Variants in SOS2 observed in about 807,000 individuals in gnomAD.
SOS2 encodes the protein son of sevenless homolog 2.
SOS2 carries 65 observed loss-of-function variants against 148.2 expected under a neutral mutation model. The observed-to-expected ratio is 0.44, with a 90% CI of 0.36 to 0.54. SOS2 has a LOEUF of 0.54. SOS2 is among the 20% of genes least tolerant of loss of function. SOS2 has a pLI of 0.00. For synonymous variants in SOS2, 539 were observed against 537.1 expected (o/e 1.00, Z -0.05); for missense variants, 1,341 against 1,590.2 (o/e 0.84, Z 2.67).
At chr14:50,185,169 CGGAGCACAGTTCACAACCT>C (rs1444026576) in intron 5 of SOS2, among the ~76,000 whole-genome samples, 2 of 152,132 alleles carry the variant, frequency 1.3e-5, no homozygotes, top group African/African-American at 2.4e-5. Context: ...CTGATCAGTT[CGGAGCACAGTTCACAACCT>C]GGGACTTTCA....
chr14:50,182,692 T>A, intron 5 of SOS2, 86 bp from the exon 6 acceptor site: 1 of 1,064,354 alleles, frequency 9.4e-7, no homozygotes, highest in Non-Finnish European at 1.4e-6. Flanking sequence ...TATAGGCTAC[T>A]CGAGGCAGAC....
intron 1 of SOS2, among the ~76,000 whole-genome samples, chr14:50,216,610 T>G (rs984138912): frequency 2.0e-5 from 3 of 151,498 alleles, no homozygotes; most frequent in Non-Finnish European, 2.9e-5. Flanking sequence ...AGTACAAAAA[T>G]TAGCTGGGCA....
At position 50,118,662 on chromosome 14, in the gene SOS2, A is replaced by G. The variant is rs748607274; in HGVS notation, c.3681T>C (p.Phe1227=). 3 of 1,613,856 alleles carry G rather than the reference A, an allele frequency of 1.9e-6. No homozygotes were observed. The East Asian group carries it at 6.7e-5, about 36-fold the overall frequency. The part of the protein sequence containing the change: ...PPVPLRPPEH[F]INCPFNLQPP... ...GCTGAAGATTAAATGGACAGTTTAT[A>G]AAGTGTTCTGGAGGCCGAAGGGGAA... is the stretch of plus-strand genomic sequence containing the variant. The change falls in exon 23 of 23, where the codon TTT becomes TTC. Residue 1227 remains phenylalanine, a synonymous_variant. Coordinates refer to ENST00000216373, the MANE Select transcript of SOS2 (RefSeq NM_006939.4).
intron 2 of SOS2, 102 bp downstream of exon 2, chr14:50,204,182 T>A (rs2139795692): frequency 1.5e-6 from 1 of 658,274 alleles, no homozygotes; most frequent in Non-Finnish European, 2.4e-6. Context: ...CATACATAAT[T>A]TCAGTGGTTT....
chr14:50,208,567 G>A (rs995700566), intron 1 of SOS2, among the ~76,000 whole-genome samples: 6 of 152,002 alleles, frequency 3.9e-5, no homozygotes, highest in Non-Finnish European at 7.4e-5. Context: ...AGAATCGCTT[G>A]AACTGGGAAG....
chr14:50,166,379 C>T (rs761687204), intron 8 of SOS2, among the ~76,000 whole-genome samples: 1 of 152,044 alleles, frequency 6.6e-6, no homozygotes, highest in Non-Finnish European at 1.5e-5. Context: ...ACAGGCATTG[C>T]CACCACATCC....
At chr14:50,132,273 T>C (rs186624691) in intron 19 of SOS2, among the ~76,000 whole-genome samples, 1 of 149,558 alleles carries the variant, frequency 6.7e-6, no homozygotes, top group Non-Finnish European at 1.5e-5. Flanking sequence ...TCCTAGCACC[T>C]TGGGAGGCTG....
intron 19 of SOS2, among the ~76,000 whole-genome samples, chr14:50,132,256 C>T (rs1269830039): frequency 6.6e-6 from 1 of 151,104 alleles, no homozygotes; most frequent in East Asian, 1.9e-4. Context: ...GTGGCTCATG[C>T]CTGTAATCCT....
intron 5 of SOS2, among the ~76,000 whole-genome samples, chr14:50,184,182 T>C (rs530067309): frequency 6.6e-6 from 1 of 152,320 alleles, no homozygotes; most frequent in Non-Finnish European, 1.5e-5. Flanking sequence ...CAGATAGCCA[T>C]ATATCTAGGA....
At chr14:50,185,160 T>C (rs1885866729) in intron 5 of SOS2, among the ~76,000 whole-genome samples, 1 of 152,236 alleles carries the variant, frequency 6.6e-6, no homozygotes, top group Non-Finnish European at 1.5e-5. Context: ...AATTTATAAC[T>C]GATCAGTTCG....
chr14:50,189,949 A>G (rs1196836285), intron 4 of SOS2, among the ~76,000 whole-genome samples: 1 of 151,984 alleles, frequency 6.6e-6, no homozygotes, highest in East Asian at 1.9e-4. Context: ...CCCAAGTTCA[A>G]GTGATTCTCC....
At chr14:50,174,968 T>C (rs747484328) in intron 7 of SOS2, among the ~76,000 whole-genome samples, 1 of 152,266 alleles carries the variant, frequency 6.6e-6, no homozygotes, top group Non-Finnish European at 1.5e-5. Context: ...TAAACAATAA[T>C]TGAATAACTT....
Position 50,150,123 on chromosome 14 carries a change from G to C in SOS2, c.2269C>G (p.Pro757Ala), listed in dbSNP as rs775139330. The part of the protein sequence containing the change: ...SHNITFESPP[P>A]PIEWHISKPG... ...TTGCTGATATGCCATTCAATTGGTG[G>C]AGGTGGACTTTCAAAGGTAATATTA... Residue 757 changes from proline (P) to alanine (A), a missense_variant, in exon 14 of 23, where the codon CCA becomes GCA. Physicochemically the swap from Pro to Ala is conservative, Grantham distance 27. Transcript: ENST00000216373. 1.2e-6 allele frequency: 2 copies of C among 1,612,990 alleles called. No individual in the cohort carries two copies. The highest frequency in any genetic ancestry group is 1.1e-5 in the South Asian group (1 of 91,054).
intron 7 of SOS2, among the ~76,000 whole-genome samples, chr14:50,175,690 G>A (rs987973349): frequency 6.6e-6 from 1 of 151,646 alleles, no homozygotes; most frequent in Non-Finnish European, 1.5e-5. Flanking sequence ...TAGAATAAAT[G>A]GTTTTCTAAA....
At chr14:50,148,300 C>T (rs1241979476) in intron 14 of SOS2, among the ~76,000 whole-genome samples, 1 of 151,452 alleles carries the variant, frequency 6.6e-6, no homozygotes, top group African/African-American at 2.4e-5. Flanking sequence ...ATCCCAGCTA[C>T]TCGGGAGGTT....
chr14:50,123,848 C>T (rs1883602258), intron 21 of SOS2, among the ~76,000 whole-genome samples: 1 of 152,086 alleles, frequency 6.6e-6, no homozygotes, highest in Non-Finnish European at 1.5e-5. Context: ...AGGGTGGCAG[C>T]AGTGGAGATG....
intron 8 of SOS2, among the ~76,000 whole-genome samples, chr14:50,166,659 T>C (rs1885178191): frequency 6.6e-6 from 1 of 152,194 alleles, no homozygotes; most frequent in Non-Finnish European, 1.5e-5. Context: ...TTTTCTTAAC[T>C]CTGTATGAGA....
At chr14:50,202,103 C>T (rs1886510751) in intron 2 of SOS2, among the ~76,000 whole-genome samples, 1 of 152,192 alleles carries the variant, frequency 6.6e-6, no homozygotes, top group Non-Finnish European at 1.5e-5. Flanking sequence ...GCTGGGACTA[C>T]AAGCACATAC....
At chr14:50,215,306 A>T in intron 1 of SOS2, 1 of 1,043,370 alleles carries the variant, frequency 9.6e-7, no homozygotes, top group Non-Finnish European at 1.3e-6. Flanking sequence ...AAAGTTTCTT[A>T]TGCCAAACTT....
Sources: gnomAD v4.1 joint callset for allele counts (sites outside exome capture counted in the v4.1 genomes callset) on GRCh38, gnomAD v4.1.1 for gene constraint, MANE v1.5 for transcripts, NCBI Gene and HGNC (gene_info 2026-07-23, HGNC 2026-07-21) for gene names.